ADGRB2: variants seen among roughly 807,000 people sequenced by gnomAD.
ADGRB2 encodes the protein brain-specific angiogenesis inhibitor 2.
Under a neutral mutation model 178.7 loss-of-function variants are expected in ADGRB2, and 47 were observed. That is an observed-to-expected ratio of 0.26 (90% CI 0.21 to 0.34). The LOEUF (loss-of-function observed/expected upper bound fraction) is 0.34. Ranked by LOEUF, ADGRB2 falls within the 10% of genes least tolerant of loss-of-function variation. The probability of loss-of-function intolerance (pLI) is 1.00; values close to 1 mark genes in which losing one functional copy is unlikely to be tolerated. For missense variants in ADGRB2, 1,584 were observed against 2,180.8 expected (o/e 0.73, Z 5.45); for synonymous variants, 870 against 912.4 (o/e 0.95, Z 0.84).
chr1:31,730,118 C>T (rs968710116), intron 29 of ADGRB2, among the ~76,000 whole-genome samples: 1 of 152,228 alleles, frequency 6.6e-6, no homozygotes, highest in African/African-American at 2.4e-5. Context: ...CAGGCCACTA[C>T]TGTCTGTTCT....
chr1:31,735,859 C>G lies in ADGRB2; in HGVS notation c.3235G>C (p.Ala1079Pro). ...ATGACGGCTGCAGGGCCCACAAAGG[C>G]GTAGAGCAGGCCGCCCTCCAGGGAG... ...WLSLEGGLLY[A>P]FVGPAAVIVL... Residue 1079 changes from alanine (A) to proline (P), a missense_variant, in exon 23 of 33, where the codon GCC becomes CCC. Physicochemically the swap from Ala to Pro is conservative, Grantham distance 27. Around this residue, in one of 3 missense-constraint regions of ADGRB2, gnomAD observed 865 missense variants for 1,192.8 expected, o/e 0.73. Transcript: ENST00000373658. The surrounding 1 kb of genome is among the most constrained non-coding windows in gnomAD (Gnocchi z 6.0). 6.2e-7 allele frequency: 1 copy of G among 1,607,908 alleles called. No individual in the cohort carries two copies. Among genetic ancestry groups the G allele is most frequent in the Non-Finnish European group, 8.5e-7 (1 of 1,177,058 alleles).
rs1208768966 is a variant in ADGRB2, at chr1:31,761,684, G to T, written c.-191+2200C>A. ...CTCCCCCTGCACCCATACTTTGGGG[G>T]AAAAGTGGAGACTGGGGGCTAAAGG... On this transcript the variant is annotated intron_variant, in intron 1 of 32. Coordinates refer to ENST00000373658, the MANE Select transcript of ADGRB2 (RefSeq NM_001364857.2). This position sits in a 1 kb window ranked among gnomAD's most constrained non-coding sequence, Gnocchi z 4.2. Among the ~76,000 whole-genome samples, 1 of 152,210 alleles carries T rather than the reference G, an allele frequency of 6.6e-6. No individual in the cohort carries two copies.
intron 1 of ADGRB2, chr1:31,760,613 G>A (rs1173752807): frequency 1.3e-5 from 2 of 152,078 alleles, no homozygotes; most frequent in Admixed American, 6.5e-5. Flanking sequence ...CCGGGGGAAG[G>A]GGCGCGGCGA....
In ADGRB2 at chr1:31,756,731, C is replaced by A. The variant is rs202099864; in HGVS notation, c.106G>T (p.Ala36Ser). 6.3e-7 allele frequency: 1 copy of A among 1,582,798 alleles called. No individual in the cohort carries two copies. The highest frequency in any genetic ancestry group is 8.6e-7 in the Non-Finnish European group (1 of 1,165,638). ...SLRLATAFDP[A>S]PSACSALASG... Reference sequence around the variant, plus strand: ...GCCAGGGCAGAGCAGGCACTGGGGGCGGGGTCGAAGGCGGTGGCCAGGCGC... The same window carrying A: ...GCCAGGGCAGAGCAGGCACTGGGGGAGGGGTCGAAGGCGGTGGCCAGGCGC... The change falls in exon 4 of 33, where the codon GCC (alanine) becomes TCC (serine). Residue 36 changes from alanine (A) to serine (S), a missense_variant. By Grantham distance (99) the Ala-to-Ser change is moderately conservative. Coordinates refer to ENST00000373658, the MANE Select transcript of ADGRB2 (RefSeq NM_001364857.2). The surrounding 1 kb of genome is among the most constrained non-coding windows in gnomAD (Gnocchi z 8.5).
Position 31,728,681 on chromosome 1 carries a change from C to T in ADGRB2, c.4381-48G>A. Reference sequence around the variant, plus strand: ...CAATGGAGGAGAAGAAAGCTTTTTACCACCGGCAGGGGCTTTAGAGACAGG... The same window carrying T: ...CAATGGAGGAGAAGAAAGCTTTTTATCACCGGCAGGGGCTTTAGAGACAGG... On this transcript the variant is annotated intron_variant, in intron 29 of 32. Transcript: ENST00000373658. The surrounding 1 kb of genome is among the most constrained non-coding windows in gnomAD (Gnocchi z 6.7). The T allele has an allele frequency of 1.2e-6, 2 of 1,607,722 alleles. No homozygotes were observed. The highest frequency in any genetic ancestry group is 1.7e-6 in the Non-Finnish European group (2 of 1,174,502).
Position 31,759,291 on chromosome 1 carries a change from G to T in ADGRB2, c.-190-1780C>A. 1 of 779,646 alleles carries T rather than the reference G, an allele frequency of 1.3e-6. No homozygotes were observed. The highest frequency in any genetic ancestry group is 2.4e-6 in the Non-Finnish European group (1 of 417,920). 48.3% of individuals were successfully genotyped at this position (779,646 alleles called of 1,614,324 possible). A position where few individuals can be genotyped will look rare whatever the true frequency, so the allele number is the denominator to read the frequency against. Reference sequence around the variant, plus strand: ...CTTACACTTGTACACATGCACAGAGGTGCACACGCATTCTCGACTGAGAAC... The same window carrying T: ...CTTACACTTGTACACATGCACAGAGTTGCACACGCATTCTCGACTGAGAAC... On this transcript the variant is annotated intron_variant, in intron 1 of 32. Coordinates refer to ENST00000373658, the MANE Select transcript of ADGRB2 (RefSeq NM_001364857.2). The surrounding 1 kb of genome is among the most constrained non-coding windows in gnomAD (Gnocchi z 4.3).
Position 31,736,356 on chromosome 1 carries a change from G to A in ADGRB2, c.3165C>T (p.Gly1055=), listed in dbSNP as rs764129163. The A allele has an allele frequency of 1.9e-6, 3 of 1,614,056 alleles. No individual in the cohort carries two copies. The highest frequency in any genetic ancestry group is 3.3e-4 in the Middle Eastern group (2 of 6,062). ...LPALVVAVSV[G]FTRTKGYGTS... ...TACCGTATCCTTTCGTTCGGGTAAA[G>A]CCAACAGACACGGCCACCACCAGGG... The change falls in exon 22 of 33, where the codon GGC becomes GGT. Residue 1055 remains glycine (G), a synonymous_variant. Transcript: ENST00000373658.
intron 4 of ADGRB2, among the ~76,000 whole-genome samples, chr1:31,745,751 T>C (rs919282760): frequency 6.6e-6 from 1 of 152,182 alleles, no homozygotes; most frequent in Non-Finnish European, 1.5e-5. Flanking sequence ...AAGCCAGCAG[T>C]ACTGGACAGG....
Position 31,756,269 on chromosome 1 carries a change from T to G in ADGRB2, c.568A>C (p.Asn190His). Residue 190 changes from asparagine to histidine, a missense_variant, in exon 4 of 33, where the codon AAC becomes CAC. Coordinates refer to ENST00000373658, the MANE Select transcript of ADGRB2 (RefSeq NM_001364857.2). The surrounding 1 kb of genome is among the most constrained non-coding windows in gnomAD (Gnocchi z 8.5). ...FRFVEVLLIN[N>H]NNSSQFTCGV... The stretch of plus-strand genomic sequence containing the variant: ...CAGGTGAATTGGCTAGAGTTGTTGT[T>G]GTTGATGAGCAAGACCTCGACAAAG... 6.2e-7 allele frequency: 1 copy of G among 1,613,226 alleles called. No individual in the cohort carries two copies. Among genetic ancestry groups the G allele is most frequent in the Admixed American group, 1.7e-5 (1 of 60,034 alleles).
chr1:31,744,181 G>C lies in ADGRB2; in HGVS notation c.1087+12C>G, dbSNP rs1320733728. 6.6e-7 allele frequency: 1 copy of C among 1,517,418 alleles called. No individual in the cohort carries two copies. Among genetic ancestry groups the C allele is most frequent in the East Asian group, 2.5e-5 (1 of 40,226 alleles). The allele number at this position is 1,517,418 out of a possible 1,614,324, so 94.0% of individuals were successfully genotyped here. On this transcript the variant is annotated intron_variant, in intron 6 of 32. Transcript: ENST00000373658. The surrounding 1 kb of genome is among the most constrained non-coding windows in gnomAD (Gnocchi z 6.7). The stretch of plus-strand genomic sequence containing the variant: ...CTGCAGGCAGGTGGGGTGGGGAGGA[G>C]GATGGGCCTACCTGGGCAGGTGGCT...
rs1490002195 is a variant in ADGRB2 at position 31,758,214 on chromosome 1, T to C, written c.-190-703A>G. ...CCCCCTAGAGCCCAGCTGGTCCTCATCAGAGGAGAAAAGATGGGGCTAGGA... is the reference window on the plus strand; with the variant it reads ...CCCCCTAGAGCCCAGCTGGTCCTCACCAGAGGAGAAAAGATGGGGCTAGGA... On this transcript the variant is annotated intron_variant, in intron 1 of 32. Coordinates refer to ENST00000373658, the MANE Select transcript of ADGRB2 (RefSeq NM_001364857.2). The surrounding 1 kb of genome is among the most constrained non-coding windows in gnomAD (Gnocchi z 4.2). Among the ~76,000 whole-genome samples, 1 of 152,114 alleles carries C rather than the reference T, an allele frequency of 6.6e-6. No homozygotes were observed. The highest frequency in any genetic ancestry group is 2.4e-5 in the African/African-American group (1 of 41,402).
rs1440842215 is a variant in ADGRB2 at position 31,735,938 on chromosome 1, C to G, written c.3201-45G>C. 1 of 1,523,190 alleles carries G rather than the reference C, an allele frequency of 6.6e-7. No homozygotes were observed. Among genetic ancestry groups the G allele is most frequent in the South Asian group, 1.2e-5 (1 of 81,404 alleles). The allele number at this position is 1,523,190 out of a possible 1,614,324, so 94.4% of individuals were successfully genotyped here. On this transcript the variant is annotated intron_variant, in intron 22 of 32. Transcript: ENST00000373658. The surrounding 1 kb of genome is among the most constrained non-coding windows in gnomAD (Gnocchi z 6.0). ...GGGTGTCAGACACCCAGCAGCCTCCCTCCCCACCCTCAAACACCATCCCTC... is the reference window on the plus strand; with the variant it reads ...GGGTGTCAGACACCCAGCAGCCTCCGTCCCCACCCTCAAACACCATCCCTC...
At position 31,727,153 on chromosome 1, in the gene ADGRB2, T is replaced by TC; in HGVS notation, c.*266dup. On this transcript the variant is annotated 3_prime_UTR_variant, in exon 33 of 33. Transcript: ENST00000373658. This position sits in a 1 kb window ranked among gnomAD's most constrained non-coding sequence, Gnocchi z 4.4. Reference sequence around the variant, plus strand: ...AAGTTTATTCCCAACAAAGTTCCCCTCCCCCCTCCCCAGCCCGGGACAGGG... The same window carrying TC: ...AAGTTTATTCCCAACAAAGTTCCCCTCCCCCCCTCCCCAGCCCGGGACAGGG... 1 of 421,856 alleles carries TC rather than the reference T, an allele frequency of 2.4e-6. No homozygotes were observed. Among genetic ancestry groups the TC allele is most frequent in the South Asian group, 3.7e-5 (1 of 27,382 alleles). 26.1% of individuals were successfully genotyped at this position (421,856 alleles called of 1,614,324 possible). A position where few individuals can be genotyped will look rare whatever the true frequency, so the allele number is the denominator to read the frequency against.
In ADGRB2 at chr1:31,727,778, C is replaced by A. The variant is rs1451926664; in HGVS notation, c.4573-173G>T. Reference sequence around the variant, plus strand: ...CCTGGTTCCAGGGTGGGGCTCCTGACCCCTGTTCTCAGTGGCCCCCAGGAC... The same window carrying A: ...CCTGGTTCCAGGGTGGGGCTCCTGAACCCTGTTCTCAGTGGCCCCCAGGAC... On this transcript the variant is annotated intron_variant, in intron 32 of 32. Transcript: ENST00000373658. This position sits in a 1 kb window ranked among gnomAD's most constrained non-coding sequence, Gnocchi z 4.4. 1 of 878,658 alleles carries A rather than the reference C, an allele frequency of 1.1e-6. No homozygotes were observed. The highest frequency in any genetic ancestry group is 1.7e-6 in the Non-Finnish European group (1 of 595,408). 54.4% of individuals were successfully genotyped at this position (878,658 alleles called of 1,614,324 possible). A position where few individuals can be genotyped will look rare whatever the true frequency, so the allele number is the denominator to read the frequency against.
chr1:31,739,118 T>C (rs1350431748), intron 15 of ADGRB2, 181 bp from the exon 16 acceptor site: 5 of 848,744 alleles, frequency 5.9e-6, no homozygotes, highest in Non-Finnish European at 9.0e-6. Flanking sequence ...ACCCGCTGGG[T>C]GGCAGCCCAG....
chr1:31,738,775 G>A (rs922489569), intron 16 of ADGRB2, 57 bp downstream of exon 16: 10 of 1,603,054 alleles, frequency 6.2e-6, no homozygotes, highest in Non-Finnish European at 8.5e-6. Flanking sequence ...CACCAGCCAG[G>A]CCTCTGGCCA....
rs765684593 is a variant in ADGRB2, at chr1:31,731,078, C to T, written c.4102G>A (p.Gly1368Arg). 3 of 1,575,098 alleles carry T rather than the reference C, an allele frequency of 1.9e-6. No individual in the cohort carries two copies. The highest frequency in any genetic ancestry group is 1.2e-5 in the South Asian group (1 of 86,954). ...TLSLQPGGGG[G>R]GGEDAPRARP... is the part of the protein sequence containing the mutation. Reference sequence around the variant, plus strand: ...GCCCTGGGGGCATCCTCACCACCTCCACCCCCACCGCCAGGCTGCAGGCTC... The same window carrying T: ...GCCCTGGGGGCATCCTCACCACCTCTACCCCCACCGCCAGGCTGCAGGCTC... The change falls in exon 29 of 33, where the codon GGA (glycine) becomes AGA (arginine). Residue 1368 changes from glycine to arginine, a missense_variant. Physicochemically the swap from Gly to Arg is moderately radical, Grantham distance 125 (BLOSUM62 -2). Coordinates refer to ENST00000373658, the MANE Select transcript of ADGRB2 (RefSeq NM_001364857.2).
At chr1:31,752,883 G>A (rs924832251) in intron 4 of ADGRB2, among the ~76,000 whole-genome samples, 1 of 152,164 alleles carries the variant, frequency 6.6e-6, no homozygotes, top group Non-Finnish European at 1.5e-5. Context: ...CCTCCCAGGA[G>A]ACCCCAGGTT....
chr1:31,756,483 C>T lies in ADGRB2; in HGVS notation c.354G>A (p.Val118=). The T allele has an allele frequency of 1.2e-6, 2 of 1,612,010 alleles. No homozygotes were observed. The part of the protein sequence containing the change: ...TCLRPSPEEA[V]AQAESEVGRP... ...GCCCCACCTCTGACTCCGCCTGGGCCACCGCCTCCTCGGGGCTAGGCCGCA... is the reference window on the plus strand; with the variant it reads ...GCCCCACCTCTGACTCCGCCTGGGCTACCGCCTCCTCGGGGCTAGGCCGCA... Residue 118 remains valine (V), a synonymous_variant, in exon 4 of 33, where the codon GTG becomes GTA. Coordinates refer to ENST00000373658, the MANE Select transcript of ADGRB2 (RefSeq NM_001364857.2). The surrounding 1 kb of genome is among the most constrained non-coding windows in gnomAD (Gnocchi z 8.5).
Sources: gnomAD v4.1 joint callset for allele counts (sites outside exome capture counted in the v4.1 genomes callset) on GRCh38, gnomAD v4.1.1 for gene constraint, gnomAD v4.1.1 regional missense constraint, Gnocchi (gnomAD v3.1) non-coding constraint, MANE v1.5 for transcripts, NCBI Gene and HGNC (gene_info 2026-07-23, HGNC 2026-07-21) for gene names.